The following USP37 variants were observed in gnomAD, a reference collection of about 807,000 sequenced individuals.
USP37 encodes the protein ubiquitin carboxyl-terminal hydrolase 37.
A neutral mutation model predicts 124.0 loss-of-function variants in USP37; 27 were observed. The observed-to-expected ratio is 0.22, with a 90% CI of 0.16 to 0.30. The LOEUF is 0.30. Among genes scored for constraint, USP37 ranks in the 10% least tolerant of loss-of-function variants. USP37 has a pLI of 1.00. For missense variants in USP37, 889 were observed against 1,140.4 expected, an observed-to-expected ratio of 0.78 and a Z score of 3.17; for synonymous variants, 365 against 388.0, an observed-to-expected ratio of 0.94 and a Z score of 0.70.
intron 1 of USP37, among the ~76,000 whole-genome samples, chr2:218,563,506 T>C (rs571311850): frequency 6.6e-6 from 1 of 152,358 alleles, no homozygotes; most frequent in East Asian, 1.9e-4. Context: ...GTTGATACTA[T>C]TTCAAAAGGT....
intron 11 of USP37, among the ~76,000 whole-genome samples, chr2:218,507,722 G>T (rs370002837): frequency 6.6e-6 from 1 of 152,060 alleles, no homozygotes; most frequent in East Asian, 1.9e-4. Flanking sequence ...AGGTTGGCAC[G>T]TCTTGTTTCC....
rs958753922 is a variant in USP37 at position 218,451,609 on chromosome 2, G to A, written c.*3321C>T. 1 of 151,302 alleles carries A rather than the reference G, an allele frequency of 6.6e-6. No individual in the cohort carries two copies. The highest frequency in any genetic ancestry group is 2.4e-5 in the African/African-American group (1 of 41,114). The allele number at this position is 151,302 out of a possible 1,614,324, so 9.4% of individuals were successfully genotyped here. ...CTGTATGTGTGTATAGTTACATAAT[G>A]GTAACTACACACGATACAGAAGAAT... On this transcript the variant is annotated 3_prime_UTR_variant, in exon 26 of 26. Coordinates refer to ENST00000258399, the MANE Select transcript of USP37 (RefSeq NM_020935.3).
At chr2:218,458,160 G>A (rs1344356805) in intron 23 of USP37, among the ~76,000 whole-genome samples, 1 of 144,540 alleles carries the variant, frequency 6.9e-6, no homozygotes, top group Non-Finnish European at 1.5e-5. Flanking sequence ...TACTTCTGGA[G>A]AATATAAAAG....
At chr2:218,479,775 AAATT>A in intron 17 of USP37, 60 bp from the exon 18 acceptor site, 3 of 974,938 alleles carry the variant, frequency 3.1e-6, no homozygotes, top group Non-Finnish European at 4.1e-6. Context: ...ATATATATTT[AAATT>A]ATAAAATGAA....
chr2:218,497,486 C>G (rs1689143064), intron 13 of USP37, among the ~76,000 whole-genome samples: 1 of 151,954 alleles, frequency 6.6e-6, no homozygotes, highest in Non-Finnish European at 1.5e-5. Flanking sequence ...CTCTGCCTCC[C>G]GGGTTCAAGC....
chr2:218,529,931 C>T, intron 10 of USP37, 25 bp downstream of exon 10: 11 of 1,562,078 alleles, frequency 7.0e-6, no homozygotes, highest in Middle Eastern at 1.7e-4. Flanking sequence ...CTAAGTTTTT[C>T]ACAAGTAATA....
At chr2:218,459,109 T>A (rs1689865538) in intron 23 of USP37, among the ~76,000 whole-genome samples, 1 of 151,354 alleles carries the variant, frequency 6.6e-6, no homozygotes, top group African/African-American at 2.4e-5. Flanking sequence ...CAATGTGCCC[T>A]AATTAACATC....
Position 218,551,781 on chromosome 2 carries a change from T to G in USP37, c.328+1772A>C, listed in dbSNP as rs895047025. Reference sequence around the variant, plus strand: ...GACATATTCTAAGAATTTTAAATAGTATTCAATTTCTTGATTCTTTTTTTT... The same window carrying G: ...GACATATTCTAAGAATTTTAAATAGGATTCAATTTCTTGATTCTTTTTTTT... On this transcript the variant is annotated intron_variant, in intron 5 of 25. Transcript: ENST00000258399. Among the ~76,000 whole-genome samples, 3 of 151,924 alleles carry G rather than the reference T, an allele frequency of 2.0e-5. No individual in the cohort carries two copies. The East Asian group carries it at 5.8e-4, about 29-fold the overall frequency.
At chr2:218,544,422 TATATATATAGAG>T (rs1382933783) in intron 8 of USP37, among the ~76,000 whole-genome samples, 824 of 56,254 alleles carry the variant, frequency 0.015, 8 homozygotes, top group Middle Eastern at 0.029. Flanking sequence ...TATATATATA[TATATATATAGAG>T]AGAGAGAGAG....
chr2:218,467,402 G>C (rs768450742), intron 20 of USP37, among the ~76,000 whole-genome samples: 1 of 151,796 alleles, frequency 6.6e-6, no homozygotes, highest in South Asian at 2.1e-4. Flanking sequence ...AGGCTGGAGT[G>C]CAGTGGCGCG....
chr2:218,480,816 T>TA (rs573917883), intron 17 of USP37, among the ~76,000 whole-genome samples: 58 of 152,310 alleles, frequency 3.8e-4, no homozygotes, highest in African/African-American at 1.3e-3. Flanking sequence ...GTAATAGCTC[T>TA]ACCAGCAGAA....
chr2:218,517,843 C>A (rs545970105), intron 10 of USP37, among the ~76,000 whole-genome samples: 1 of 152,270 alleles, frequency 6.6e-6, no homozygotes, highest in African/African-American at 2.4e-5. Flanking sequence ...ACACAATAGA[C>A]CTTTTAACTA....
At chr2:218,556,512 T>TG (rs1366251959) in intron 4 of USP37, among the ~76,000 whole-genome samples, 7 of 131,396 alleles carry the variant, frequency 5.3e-5, no homozygotes, top group Non-Finnish European at 9.7e-5. Flanking sequence ...TGTTTTTTTT[T>TG]TTTTTTTTTT....
At chr2:218,497,370 CTATTT>C (rs1365083669) in intron 13 of USP37, among the ~76,000 whole-genome samples, 2 of 151,472 alleles carry the variant, frequency 1.3e-5, no homozygotes, top group Admixed American at 6.6e-5. Context: ...CGCACCTGGC[CTATTT>C]TATTTATTTT....
At chr2:218,538,348 G>A (rs1189807370) in intron 8 of USP37, among the ~76,000 whole-genome samples, 1 of 152,166 alleles carries the variant, frequency 6.6e-6, no homozygotes, top group African/African-American at 2.4e-5. Context: ...ATAAATAGGG[G>A]CTTGGAACGA....
chr2:218,458,049 AAAAAAGAAAAG>A (rs1689789930), intron 23 of USP37, among the ~76,000 whole-genome samples: 1 of 150,796 alleles, frequency 6.6e-6, no homozygotes, highest in African/African-American at 2.4e-5. Context: ...CAAAAAAAAA[AAAAAAGAAAAG>A]AAAAGAAAAG....
rs973505315 is a variant in USP37 at position 218,452,568 on chromosome 2, C to A, written c.*2362G>T. On this transcript the variant is annotated 3_prime_UTR_variant, in exon 26 of 26. Coordinates refer to ENST00000258399, the MANE Select transcript of USP37 (RefSeq NM_020935.3). ...AATTTGAGTCCCAAACATGCAAGTA[C>A]ATGAGCAGTGAGATAACTTATATAT... is the stretch of plus-strand genomic sequence containing the variant. 1 of 152,144 alleles carries A rather than the reference C, an allele frequency of 6.6e-6. No homozygotes were observed. The highest frequency in any genetic ancestry group is 6.6e-5 in the Admixed American group (1 of 15,254). The allele number at this position is 152,144 out of a possible 1,614,324, so 9.4% of individuals were successfully genotyped here.
chr2:218,544,406 A>AATATATATATAT, intron 8 of USP37, among the ~76,000 whole-genome samples: 1 of 82,972 alleles, frequency 1.2e-5, no homozygotes, highest in African/African-American at 6.9e-5. Context: ...AAAAAAAAAA[A>AATATATATATAT]ATATATATAT....
chr2:218,492,582 C>T (rs1688847835), intron 14 of USP37, among the ~76,000 whole-genome samples: 1 of 152,168 alleles, frequency 6.6e-6, no homozygotes, highest in South Asian at 2.1e-4. Flanking sequence ...TGCAACAATT[C>T]AAACAAGAGA....
Sources: allele counts gnomAD v4.1 joint callset (sites outside exome capture counted in the v4.1 genomes callset), GRCh38; gene constraint gnomAD v4.1.1; transcripts MANE v1.5; gene names NCBI Gene and HGNC (gene_info 2026-07-23, HGNC 2026-07-21).